PYY: variants seen among roughly 807,000 people sequenced by gnomAD.
PYY encodes the protein peptide YY, also known as peptide tyrosine tyrosine.
Under a neutral mutation model 10.3 loss-of-function variants are expected in PYY, and 12 were observed. The ratio of observed to expected loss-of-function variants is 1.17; its 90% CI spans 0.75 to 1.89. The LOEUF (loss-of-function observed/expected upper bound fraction) is 1.89, where lower values mean the gene tolerates loss of function less well. PYY is among the 40% of genes most tolerant of loss of function. The pLI, the probability that PYY is intolerant of heterozygous loss-of-function variation, is 0.00. For synonymous variants in PYY, 66 were observed against 62.0 expected (o/e 1.06, Z -0.30); for missense variants, 141 against 134.0 (o/e 1.05, Z -0.26).
upstream of PYY, among the ~76,000 whole-genome samples, chr17:43,956,879 T>A (rs1211981002): frequency 6.6e-6 from 1 of 152,086 alleles, no homozygotes; most frequent in Non-Finnish European, 1.5e-5. Context: ...ATGCCCAGGG[T>A]CCTAGAGATA....
intron 2 of PYY, among the ~76,000 whole-genome samples, chr17:43,961,866 C>G (rs1269635466): frequency 6.6e-6 from 1 of 152,114 alleles, no homozygotes; most frequent in Non-Finnish European, 1.5e-5. Context: ...AGCCCAATTT[C>G]TGTCTTCTCT....
rs181915755 is a variant in PYY, at chr17:43,979,021, T to C, written c.-462-12489A>G. 8.5e-5 allele frequency among the ~76,000 whole-genome samples: 13 copies of C among 152,368 alleles called. No homozygotes were observed. The East Asian group carries it at 2.5e-3, about 29-fold the overall frequency. Reference sequence around the variant, plus strand: ...ATGGCTGGAGCTGAAGCAGTCATTTTGGGCCATGCGATGAGTGTCGCACCT... The same window carrying C: ...ATGGCTGGAGCTGAAGCAGTCATTTCGGGCCATGCGATGAGTGTCGCACCT... On this transcript the variant is annotated intron_variant, in intron 1 of 6. Coordinates refer to the PYY transcript ENST00000360085.
At chr17:43,984,245 C>T (rs1255513025) in intron 1 of PYY, among the ~76,000 whole-genome samples, 1 of 152,226 alleles carries the variant, frequency 6.6e-6, no homozygotes, top group African/African-American at 2.4e-5. Flanking sequence ...CGGGATGTGG[C>T]CTCGGCCTGG....
rs72838312 is a variant in PYY at position 43,987,950 on chromosome 17, G to T, written c.-463+16441C>A. Among the ~76,000 whole-genome samples the T allele has an allele frequency of 7.9e-5, 12 of 152,070 alleles. No homozygotes were observed. Among genetic ancestry groups the T allele is most frequent in the Non-Finnish European group, 1.5e-4 (10 of 68,018 alleles). The stretch of plus-strand genomic sequence containing the variant: ...ATCTGTCCTGTCCAGTCCCCACGCC[G>T]GAAGTCCTCACAGCAGTCTGCTCTG... On this transcript the variant is annotated intron_variant, in intron 1 of 6. Transcript: ENST00000360085. This position sits in a 1 kb window ranked among gnomAD's most constrained non-coding sequence, Gnocchi z 4.0.
At chr17:43,993,919 T>C (rs2048973729) in intron 1 of PYY, among the ~76,000 whole-genome samples, 1 of 152,106 alleles carries the variant, frequency 6.6e-6, no homozygotes. Flanking sequence ...AGTGGCACAA[T>C]CTCTGGTCAC....
At chr17:43,970,485 C>T (rs188366672) in intron 1 of PYY, among the ~76,000 whole-genome samples, 99 of 148,884 alleles carry the variant, frequency 6.6e-4, no homozygotes, top group Non-Finnish European at 1.0e-3. Context: ...CCAGCCTAAA[C>T]GACAGAAGGA....
chr17:43,960,180 C>T (rs1246786154), intron 2 of PYY, among the ~76,000 whole-genome samples: 1 of 152,142 alleles, frequency 6.6e-6, no homozygotes, highest in African/African-American at 2.4e-5. Flanking sequence ...GGATAGGGTG[C>T]CTCTGATCTA....
At chr17:43,955,324 T>C (rs746818451), upstream of PYY, among the ~76,000 whole-genome samples, 3 of 152,186 alleles carry the variant, frequency 2.0e-5, no homozygotes, top group Non-Finnish European at 4.4e-5. Flanking sequence ...GGCCAACTTG[T>C]CCAGGCCCTT....
chr17:43,988,303 G>A (rs1003792337), intron 1 of PYY, among the ~76,000 whole-genome samples: 5 of 152,298 alleles, frequency 3.3e-5, no homozygotes, highest in Non-Finnish European at 5.9e-5. Context: ...GACCTCTTGC[G>A]GAAAGGGAGC....
At chr17:43,958,406 G>A (rs749141706), upstream of PYY, among the ~76,000 whole-genome samples, 6 of 149,422 alleles carry the variant, frequency 4.0e-5, no homozygotes, top group East Asian at 2.0e-4. Flanking sequence ...TTTTTGAGAC[G>A]GAGTCTTACT....
rs2048640380 is a variant in PYY, at chr17:43,952,852, A to C, written c.*104T>G. On this transcript the variant is annotated 3_prime_UTR_variant, in exon 4 of 4. Coordinates refer to ENST00000692052, the MANE Select transcript of PYY (RefSeq NM_001394028.1). ...GGAGGGCCGCACCCGAACCCTGCCC[A>C]GACGCCGCCGTCGGGAGGCAGAATC... The C allele has an allele frequency of 7.5e-7, 1 of 1,331,020 alleles. No individual in the cohort carries two copies. Among genetic ancestry groups the C allele is most frequent in the African/African-American group, 1.5e-5 (1 of 66,062 alleles). The allele number at this position is 1,331,020 out of a possible 1,614,324, so 82.5% of individuals were successfully genotyped here. A position where few individuals can be genotyped will look rare whatever the true frequency, so the allele number is the denominator to read the frequency against.
chr17:43,956,941 T>G (rs563796712), upstream of PYY, among the ~76,000 whole-genome samples: 1 of 152,238 alleles, frequency 6.6e-6, no homozygotes, highest in South Asian at 2.1e-4. Flanking sequence ...TGCTCACGCC[T>G]GTAATCCCAG....
chr17:43,952,809 G>T lies in PYY; in HGVS notation c.*147C>A. On this transcript the variant is annotated 3_prime_UTR_variant, in exon 4 of 4. Transcript: ENST00000692052. Reference sequence around the variant, plus strand: ...CACAGCCCTCCAGCCCAGGGGGCGGGGGCACCGAGACGCGGGCGGAGGGCC... The same window carrying T: ...CACAGCCCTCCAGCCCAGGGGGCGGTGGCACCGAGACGCGGGCGGAGGGCC... 2.4e-6 allele frequency: 2 copies of T among 829,720 alleles called. No homozygotes were observed. Among genetic ancestry groups the T allele is most frequent in the Non-Finnish European group, 3.7e-6 (2 of 542,668 alleles). 51.4% of individuals were successfully genotyped at this position (829,720 alleles called of 1,614,324 possible).
chr17:43,954,308 T>G (rs977073992), upstream of PYY, among the ~76,000 whole-genome samples: 1 of 151,848 alleles, frequency 6.6e-6, no homozygotes, highest in African/African-American at 2.4e-5. Context: ...GGATGGGAGT[T>G]GGGGGTGGGA....
At chr17:43,998,521 G>A (rs1436820541) in intron 1 of PYY, among the ~76,000 whole-genome samples, 1 of 152,036 alleles carries the variant, frequency 6.6e-6, no homozygotes, top group Non-Finnish European at 1.5e-5. Flanking sequence ...TCAAGCCACT[G>A]CACTTCAATC....
intron 1 of PYY, among the ~76,000 whole-genome samples, chr17:43,999,446 T>C (rs1256780885): frequency 6.6e-6 from 1 of 151,754 alleles, no homozygotes; most frequent in African/African-American, 2.4e-5. Flanking sequence ...GAGGTGAAGT[T>C]AGAAGTTTTG....
intron 1 of PYY, among the ~76,000 whole-genome samples, chr17:43,986,693 A>G (rs1263876145): frequency 6.6e-6 from 1 of 152,176 alleles, no homozygotes; most frequent in Non-Finnish European, 1.5e-5. Context: ...GCAGGGGTTC[A>G]TTATACCCTT....
At chr17:43,973,131 C>G (rs906404570) in intron 1 of PYY, among the ~76,000 whole-genome samples, 2 of 152,006 alleles carry the variant, frequency 1.3e-5, no homozygotes, top group Non-Finnish European at 2.9e-5. Flanking sequence ...GGCCACAGCA[C>G]TCTGCCAAAA....
At chr17:43,963,336 C>T (rs1462376457) in intron 2 of PYY, among the ~76,000 whole-genome samples, 1 of 151,474 alleles carries the variant, frequency 6.6e-6, no homozygotes, top group East Asian at 1.9e-4. Context: ...GGTGAAACCT[C>T]GTCTCTACTA....
Sources: gnomAD v4.1 joint callset for allele counts (sites outside exome capture counted in the v4.1 genomes callset) on GRCh38, gnomAD v4.1.1 for gene constraint, Gnocchi (gnomAD v3.1) non-coding constraint, MANE v1.5 for transcripts, NCBI Gene and HGNC (gene_info 2026-07-23, HGNC 2026-07-21) for gene names.